The following PAPPA variants were observed in gnomAD, a reference collection of about 807,000 sequenced individuals.
The protein encoded by PAPPA is pappalysin 1.
PAPPA carries 60 observed loss-of-function variants against 164.0 expected under a neutral mutation model. That is an observed-to-expected ratio of 0.37 (90% CI 0.30 to 0.45). PAPPA has a LOEUF of 0.45. PAPPA is among the 20% of genes least tolerant of loss of function. PAPPA has a pLI of 1.00. For missense variants in PAPPA, 1,782 were observed against 2,087.3 expected, an observed-to-expected ratio of 0.85 and a Z score of 2.85; for synonymous variants, 875 against 814.1, an observed-to-expected ratio of 1.07 and a Z score of -1.27.
At chr9:116,179,707 C>A (rs554092278) in intron 1 of PAPPA, among the ~76,000 whole-genome samples, 2 of 152,100 alleles carry the variant, frequency 1.3e-5, no homozygotes, top group African/African-American at 4.8e-5. Context: ...GTCTCCCCCC[C>A]GACTGAACCA....
intron 10 of PAPPA, among the ~76,000 whole-genome samples, chr9:116,308,338 A>G (rs1820690739): frequency 6.6e-6 from 1 of 152,210 alleles, no homozygotes. Context: ...GCCAGTGTGT[A>G]AGATAGAAAA....
intron 14 of PAPPA, among the ~76,000 whole-genome samples, chr9:116,345,003 G>A (rs1846188994): frequency 2.6e-5 from 4 of 152,302 alleles, no homozygotes; most frequent in Middle Eastern, 3.4e-3. Context: ...GAGTATTTTG[G>A]AATGAATATC....
chr9:116,200,181 A>G lies in PAPPA; in HGVS notation c.1479-7275A>G, dbSNP rs767648331. Among the ~76,000 whole-genome samples, 10 of 152,066 alleles carry G rather than the reference A, an allele frequency of 6.6e-5. No individual in the cohort carries two copies. In the South Asian group the frequency reaches 1.7e-3, roughly 25 times the overall value. On this transcript the variant is annotated intron_variant, in intron 2 of 21. Transcript: ENST00000328252. ...TTGTAATGTCTCTTCTCATGCTTCT[A>G]TGCTTCTGGGCTTTCTGGAGCTTCT...
At chr9:116,354,380 G>A (rs1006478146) in intron 17 of PAPPA, among the ~76,000 whole-genome samples, 1 of 152,220 alleles carries the variant, frequency 6.6e-6, no homozygotes. Context: ...TAGGAAAAAG[G>A]AACAAAAGGC....
chr9:116,324,528 A>G (rs1845898284), intron 10 of PAPPA, among the ~76,000 whole-genome samples: 1 of 151,018 alleles, frequency 6.6e-6, no homozygotes, highest in Admixed American at 6.5e-5. Flanking sequence ...TCACCTTGGA[A>G]ATCTTCAGAG....
At chr9:116,396,402 T>C (rs1760925719) in intron 21 of PAPPA, 107 bp from the exon 22 acceptor site, 1 of 736,890 alleles carries the variant, frequency 1.4e-6, no homozygotes, top group Non-Finnish European at 2.5e-6. Context: ...AACTTGAACT[T>C]GAACCTTCTG....
chr9:116,243,168 T>A (rs1359728959), intron 7 of PAPPA, among the ~76,000 whole-genome samples: 3 of 152,218 alleles, frequency 2.0e-5, no homozygotes, highest in African/African-American at 7.2e-5. Flanking sequence ...TCTTCTTTTA[T>A]GTATTGATAT....
chr9:116,343,189 T>G (rs73656811), intron 13 of PAPPA, among the ~76,000 whole-genome samples: 1,566 of 152,308 alleles, frequency 0.01, 30 homozygotes, highest in African/African-American at 0.036. Context: ...AGTGAGCTCA[T>G]GTATATAAGC....
At chr9:116,246,334 G>A (rs1587970116) in intron 7 of PAPPA, among the ~76,000 whole-genome samples, 1 of 152,232 alleles carries the variant, frequency 6.6e-6, no homozygotes, top group Non-Finnish European at 1.5e-5. Flanking sequence ...ATGACTCTAA[G>A]CTAGGACTAT....
chr9:116,306,236 A>G (rs1486116865), intron 10 of PAPPA, among the ~76,000 whole-genome samples: 3 of 152,220 alleles, frequency 2.0e-5, no homozygotes, highest in East Asian at 1.9e-4. Flanking sequence ...TACAAGAGTT[A>G]GGAGTGAGAA....
At chr9:116,197,401 A>T (rs1039707533) in intron 2 of PAPPA, among the ~76,000 whole-genome samples, 2 of 152,212 alleles carry the variant, frequency 1.3e-5, no homozygotes, top group Non-Finnish European at 2.9e-5. Context: ...AGGAGCAATT[A>T]TGCTCTATGA....
chr9:116,378,133 A>G (rs1010644285), intron 20 of PAPPA, among the ~76,000 whole-genome samples: 2 of 152,196 alleles, frequency 1.3e-5, no homozygotes, highest in African/African-American at 4.8e-5. Flanking sequence ...TCATGCCTCA[A>G]TCCCAGAAGG....
chr9:116,254,090 A>C (rs1210906069), intron 7 of PAPPA, among the ~76,000 whole-genome samples: 1 of 151,530 alleles, frequency 6.6e-6, no homozygotes, highest in Non-Finnish European at 1.5e-5. Context: ...AAATTTTCTC[A>C]CTCCCTCCCC....
At chr9:116,296,228 AG>A (rs1447149602) in intron 9 of PAPPA, among the ~76,000 whole-genome samples, 1 of 152,232 alleles carries the variant, frequency 6.6e-6, no homozygotes, top group Non-Finnish European at 1.5e-5. Flanking sequence ...CCCTATAAGA[AG>A]GTGCCTCTGT....
chr9:116,212,173 A>C (rs1239978635), intron 4 of PAPPA, among the ~76,000 whole-genome samples: 2 of 152,148 alleles, frequency 1.3e-5, no homozygotes, highest in African/African-American at 2.4e-5. Flanking sequence ...CATTTTTCTA[A>C]GCTAGTGGTT....
intron 21 of PAPPA, among the ~76,000 whole-genome samples, chr9:116,392,655 T>C (rs1846909739): frequency 6.6e-6 from 1 of 152,182 alleles, no homozygotes; most frequent in African/African-American, 2.4e-5. Context: ...TGAGGAAGCT[T>C]GTAACAGAGG....
intron 10 of PAPPA, among the ~76,000 whole-genome samples, chr9:116,322,976 TCCTC>T (rs1308538914): frequency 6.6e-6 from 1 of 152,076 alleles, no homozygotes; most frequent in Non-Finnish European, 1.5e-5. Context: ...GATGAGCACT[TCCTC>T]CCTCCCATGA....
At chr9:116,366,761 G>A (rs567488619) in intron 18 of PAPPA, among the ~76,000 whole-genome samples, 3 of 152,290 alleles carry the variant, frequency 2.0e-5, no homozygotes, top group African/African-American at 7.2e-5. Flanking sequence ...AAGCAAACAG[G>A]AAATGATCAT....
In PAPPA at chr9:116,344,674, T is replaced by A. The variant is rs1846184375; in HGVS notation, c.3743T>A (p.Leu1248His). The A allele has an allele frequency of 6.2e-7, 1 of 1,614,070 alleles. No homozygotes were observed. The highest frequency in any genetic ancestry group is 2.2e-5 in the East Asian group (1 of 44,868). Residue 1248 changes from leucine (L) to histidine (H), a missense_variant, in exon 14 of 22, where the codon CTC becomes CAC. Leu to His is a moderately conservative substitution (Grantham distance 99). Transcript: ENST00000328252. The part of the protein sequence containing the change: ...CTVSCRTGYV[L>H]QIRRDDELIK... ...GTGAGCTGCCGGACAGGCTACGTGCTCCAGATACGGCGGGATGATGAGCTG... is the reference window on the plus strand; with the variant it reads ...GTGAGCTGCCGGACAGGCTACGTGCACCAGATACGGCGGGATGATGAGCTG...
Sources: allele counts gnomAD v4.1 joint callset (sites outside exome capture counted in the v4.1 genomes callset), GRCh38; gene constraint gnomAD v4.1.1; transcripts MANE v1.5; gene names NCBI Gene and HGNC (gene_info 2026-07-23, HGNC 2026-07-21).